NAXD: variants seen among roughly 807,000 people sequenced by gnomAD.
The protein encoded by NAXD is ATP-dependent (S)-NAD(P)H-hydrate dehydratase.
Under a neutral mutation model 35.8 loss-of-function variants are expected in NAXD, and 22 were observed. The ratio of observed to expected loss-of-function variants is 0.62; its 90% CI spans 0.44 to 0.88. The LOEUF (loss-of-function observed/expected upper bound fraction) is 0.88, where lower values mean the gene tolerates loss of function less well. Ranked by LOEUF, NAXD falls within the 40% of genes least tolerant of loss-of-function variation. The pLI is 0.00. For synonymous variants in NAXD, 189 were observed against 177.6 expected (o/e 1.06, Z -0.51); for missense variants, 428 against 437.7 (o/e 0.98, Z 0.20).
chr13:110,636,362 T>C (rs771563978), intron 8 of NAXD, among the ~76,000 whole-genome samples: 5 of 131,878 alleles, frequency 3.8e-5, no homozygotes, highest in Non-Finnish European at 6.3e-5. Flanking sequence ...TGCACATATG[T>C]GCACACGCAT....
At chr13:110,620,255 G>A (rs1886208349) in intron 1 of NAXD, among the ~76,000 whole-genome samples, 1 of 151,500 alleles carries the variant, frequency 6.6e-6, no homozygotes, top group South Asian at 2.1e-4. Context: ...TTCTGTGCCG[G>A]GTCTTGTGTG....
intron 5 of NAXD, among the ~76,000 whole-genome samples, chr13:110,633,345 C>T (rs1008341298): frequency 3.9e-5 from 6 of 152,212 alleles, no homozygotes; most frequent in Admixed American, 6.5e-5. Context: ...GCCAAGCCCA[C>T]GCCCACCCGG....
chr13:110,632,251 G>T (rs956531101), intron 5 of NAXD, among the ~76,000 whole-genome samples: 1 of 151,940 alleles, frequency 6.6e-6, no homozygotes, highest in African/African-American at 2.4e-5. Flanking sequence ...CGTTCCTCCC[G>T]GTGGGCTCGT....
At position 110,628,980 on chromosome 13, in the gene NAXD, C is replaced by T. The variant is rs555013359; in HGVS notation, c.441+1433C>T. On this transcript the variant is annotated intron_variant, in intron 5 of 9. Transcript: ENST00000680254. This position sits in a 1 kb window ranked among gnomAD's most constrained non-coding sequence, Gnocchi z 4.1. ...AAAGGTGGGAAGTGAGGGTGTGCGT[C>T]GCTGCCCCTGCAGCCCAGACTCTGG... 9.8e-5 allele frequency among the ~76,000 whole-genome samples: 15 copies of T among 152,318 alleles called. No individual in the cohort carries two copies. Among genetic ancestry groups the T allele is most frequent in the African/African-American group, 2.2e-4 (9 of 41,566 alleles).
Position 110,628,724 on chromosome 13 carries a change from A to G in NAXD, c.441+1177A>G, listed in dbSNP as rs1886591152. Among the ~76,000 whole-genome samples the G allele has an allele frequency of 6.6e-6, 1 of 152,022 alleles. No homozygotes were observed. Among genetic ancestry groups the G allele is most frequent in the Non-Finnish European group, 1.5e-5 (1 of 68,002 alleles). The stretch of plus-strand genomic sequence containing the variant: ...GGAGGTGGCCATGTTTAGGAGCAGT[A>G]GAACCCTCTGTCATCCCCGGGGAGA... On this transcript the variant is annotated intron_variant, in intron 5 of 9. Transcript: ENST00000680254. This position sits in a 1 kb window ranked among gnomAD's most constrained non-coding sequence, Gnocchi z 4.1.
At chr13:110,626,109 C>T (rs1163304053) in intron 4 of NAXD, among the ~76,000 whole-genome samples, 4 of 152,036 alleles carry the variant, frequency 2.6e-5, no homozygotes, top group Non-Finnish European at 5.9e-5. Context: ...GGGTGTGGGG[C>T]TGCTGTCAGG....
Position 110,635,526 on chromosome 13 carries a change from C to G in NAXD, c.656C>G (p.Ala219Gly), listed in dbSNP as rs758517297. 1.9e-6 allele frequency: 3 copies of G among 1,614,044 alleles called. No individual in the cohort carries two copies. In the South Asian group the frequency reaches 3.3e-5, roughly 18 times the overall value. ...GGATCTGTGCTAAGACTCAGCCAAG[C>G]CCTGGGCAACGTGACGGTGGTCCAG... is the stretch of plus-strand genomic sequence containing the variant. Reference protein sequence around the residue: ...SHGSVLRLSQALGNVTVVQKG... With the variant: ...SHGSVLRLSQGLGNVTVVQKG... Residue 219 changes from alanine to glycine, a missense_variant, in exon 8 of 10, where the codon GCC becomes GGC. Coordinates refer to ENST00000680254, the MANE Select transcript of NAXD (RefSeq NM_001242882.2).
At chr13:110,634,822 C>T in intron 7 of NAXD, 46 bp downstream of exon 7, 2 of 1,437,080 alleles carry the variant, frequency 1.4e-6, no homozygotes, top group Non-Finnish European at 1.9e-6. Context: ...CCCTGTTCGT[C>T]CTGAAGAGGG....
intron 3 of NAXD, among the ~76,000 whole-genome samples, chr13:110,624,962 G>A (rs1566615999): frequency 6.6e-6 from 1 of 152,256 alleles, no homozygotes; most frequent in Non-Finnish European, 1.5e-5. Flanking sequence ...GTGCTGGTGT[G>A]TGTGGCTCTG....
intron 9 of NAXD, among the ~76,000 whole-genome samples, chr13:110,637,589 C>T (rs1263609046): frequency 1.3e-5 from 2 of 152,238 alleles, no homozygotes; most frequent in East Asian, 3.8e-4. Context: ...AGAAAACAGA[C>T]AGGGTCAAGG....
chr13:110,629,803 T>A (rs1050749454), intron 5 of NAXD, among the ~76,000 whole-genome samples: 1 of 152,224 alleles, frequency 6.6e-6, no homozygotes, highest in African/African-American at 2.4e-5. Flanking sequence ...GCCCTGCCAC[T>A]GTTTCCCATA....
At position 110,638,559 on chromosome 13, in the gene NAXD, T is replaced by G. The variant is rs1341107274; in HGVS notation, c.*31T>G. 4 of 1,610,076 alleles carry G rather than the reference T, an allele frequency of 2.5e-6. No homozygotes were observed. The highest frequency in any genetic ancestry group is 3.4e-6 in the Non-Finnish European group (4 of 1,178,258). On this transcript the variant is annotated 3_prime_UTR_variant, in exon 10 of 10. Coordinates refer to ENST00000680254, the MANE Select transcript of NAXD (RefSeq NM_001242882.2). The surrounding 1 kb of genome is among the most constrained non-coding windows in gnomAD (Gnocchi z 5.4). ...CGCAGACCAGAAGTAAACAGGCACC[T>G]TGGACGGGGGAGAGCGTGTGTGTGA...
chr13:110,627,828 G>A (rs969724949), intron 5 of NAXD, among the ~76,000 whole-genome samples: 8 of 152,206 alleles, frequency 5.3e-5, no homozygotes, highest in African/African-American at 1.9e-4. Flanking sequence ...TGAGGAGAGG[G>A]TGAGCAGGAC....
chr13:110,633,334 C>T lies in NAXD; in HGVS notation c.442-1211C>T, dbSNP rs550429986. On this transcript the variant is annotated intron_variant, in intron 5 of 9. Transcript: ENST00000680254. Reference sequence around the variant, plus strand: ...GGCCGGCTGCTCCGAGTGCGGGGCCCGCCAAGCCCACGCCCACCCGGAACT... The same window carrying T: ...GGCCGGCTGCTCCGAGTGCGGGGCCTGCCAAGCCCACGCCCACCCGGAACT... Among the ~76,000 whole-genome samples the T allele has an allele frequency of 5.5e-4, 84 of 152,296 alleles. 1 individual carries two copies. The highest frequency in any genetic ancestry group is 1.0e-3 in the Non-Finnish European group (68 of 68,000).
Position 110,615,579 on chromosome 13 carries a change from C to CTGGGAATCCGGAATGCTGCCCGA in NAXD, c.-19_4dup. Reference sequence around the variant, plus strand: ...GTTTCCGGCGACGGCGCGGGGGCAGCTGGGAATCCGGAATGCTGCCCGATG... The same window carrying CTGGGAATCCGGAATGCTGCCCGA: ...GTTTCCGGCGACGGCGCGGGGGCAGCTGGGAATCCGGAATGCTGCCCGATGGGAATCCGGAATGCTGCCCGATG... On this transcript the variant is annotated 5_prime_UTR_variant, in exon 1 of 10. In the 5' UTR this introduces an upstream ATG that the reference lacks. Coordinates refer to ENST00000680254, the MANE Select transcript of NAXD (RefSeq NM_001242882.2). The CTGGGAATCCGGAATGCTGCCCGA allele has an allele frequency of 7.4e-7, 1 of 1,347,538 alleles. No individual in the cohort carries two copies. The highest frequency in any genetic ancestry group is 9.5e-7 in the Non-Finnish European group (1 of 1,048,692). The allele number at this position is 1,347,538 out of a possible 1,614,324, so 83.5% of individuals were successfully genotyped here.
chr13:110,627,364 A>G (rs1886523159), intron 4 of NAXD, 75 bp from the exon 5 acceptor site: 3 of 905,640 alleles, frequency 3.3e-6, no homozygotes, highest in Admixed American at 4.6e-5. Flanking sequence ...TTCAAAATAA[A>G]ATGTAAACAA....
chr13:110,632,067 C>T lies in NAXD; in HGVS notation c.442-2478C>T, dbSNP rs553429748. Among the ~76,000 whole-genome samples, 9 of 135,720 alleles carry T rather than the reference C, an allele frequency of 6.6e-5. No homozygotes were observed. The South Asian group carries it at 2.0e-3, about 31-fold the overall frequency. The allele number at this position is 135,720 out of a possible 152,430, so 89.0% of individuals were successfully genotyped here. A position where few individuals can be genotyped will look rare whatever the true frequency, so the allele number is the denominator to read the frequency against. On this transcript the variant is annotated intron_variant, in intron 5 of 9. Transcript: ENST00000680254. ...CTTCAAGAATGAAGCCGTGGACCCTCGCGGTGAGTGTTACAGCTCTTAAGG... is the reference window on the plus strand; with the variant it reads ...CTTCAAGAATGAAGCCGTGGACCCTTGCGGTGAGTGTTACAGCTCTTAAGG...
chr13:110,619,034 G>A (rs958410815), intron 1 of NAXD, among the ~76,000 whole-genome samples: 1 of 152,208 alleles, frequency 6.6e-6, no homozygotes, highest in Non-Finnish European at 1.5e-5. Context: ...AGTGCTGGGC[G>A]ACACTGGTTG....
upstream of NAXD, chr13:110,615,487 T>C (rs1372329614): frequency 2.0e-6 from 2 of 977,580 alleles, no homozygotes; most frequent in Admixed American, 4.1e-5. Context: ...ATTGAGCGAG[T>C]TGGGATCCCA....
Sources: gnomAD v4.1 joint callset for allele counts (sites outside exome capture counted in the v4.1 genomes callset) on GRCh38, gnomAD v4.1.1 for gene constraint, Gnocchi (gnomAD v3.1) non-coding constraint, MANE v1.5 for transcripts, NCBI Gene and HGNC (gene_info 2026-07-23, HGNC 2026-07-21) for gene names.